The following ZSWIM6 variants were observed in gnomAD, a reference collection of about 807,000 sequenced individuals.
ZSWIM6 encodes zinc finger SWIM domain-containing protein 6.
In ZSWIM6, 9 loss-of-function variants were observed where a neutral mutation model predicts 113.2. That is an observed-to-expected ratio of 0.08 (90% CI 0.05 to 0.14). ZSWIM6 has a LOEUF of 0.14. Ranked by LOEUF, ZSWIM6 falls within the 10% of genes least tolerant of loss-of-function variation. ZSWIM6 has a pLI of 1.00. For synonymous variants in ZSWIM6, 611 were observed against 606.5 expected (o/e 1.01, Z -0.11); for missense variants, 1,162 against 1,552.2 (o/e 0.75, Z 4.22).
intron 1 of ZSWIM6, among the ~76,000 whole-genome samples, chr5:61,335,321 C>G (rs1215009125): frequency 6.6e-6 from 1 of 152,202 alleles, no homozygotes; most frequent in Non-Finnish European, 1.5e-5. Flanking sequence ...CCTCTGAGTT[C>G]TGCCATTTGC....
rs577910332 is a variant in ZSWIM6 at position 61,353,954 on chromosome 5, C to G, written c.676+21006C>G. 5.3e-4 allele frequency among the ~76,000 whole-genome samples: 80 copies of G among 152,206 alleles called. 1 individual carries two copies. Among genetic ancestry groups the G allele is most frequent in the Non-Finnish European group, 4.0e-4 (27 of 68,038 alleles). ...GTGTTGGCAGCCCTGTAGATAGATTCAGCAGATGCTGTAGACATTCTCTTA... is the reference window on the plus strand; with the variant it reads ...GTGTTGGCAGCCCTGTAGATAGATTGAGCAGATGCTGTAGACATTCTCTTA... On this transcript the variant is annotated intron_variant, in intron 1 of 13. Coordinates refer to ENST00000252744, the MANE Select transcript of ZSWIM6 (RefSeq NM_020928.2).
At chr5:61,454,907 CT>C (rs1342644892) in intron 1 of ZSWIM6, among the ~76,000 whole-genome samples, 1 of 149,730 alleles carries the variant, frequency 6.7e-6, no homozygotes, top group Non-Finnish European at 1.5e-5. Flanking sequence ...TTTTTTGCAC[CT>C]CCTTTCTGGC....
At chr5:61,525,665 T>C in intron 5 of ZSWIM6, 135 bp from the exon 6 acceptor site, 1 of 1,007,192 alleles carries the variant, frequency 9.9e-7, no homozygotes, top group Non-Finnish European at 1.5e-6. Context: ...GTATTCACCC[T>C]TCACCCTTCT....
chr5:61,428,436 C>T (rs1199463201), intron 1 of ZSWIM6, among the ~76,000 whole-genome samples: 1 of 152,172 alleles, frequency 6.6e-6, no homozygotes, highest in Non-Finnish European at 1.5e-5. Flanking sequence ...AGTCTTAGCT[C>T]ATTGCAACCT....
chr5:61,428,639 G>C (rs191171599), intron 1 of ZSWIM6, among the ~76,000 whole-genome samples: 1 of 151,534 alleles, frequency 6.6e-6, no homozygotes, highest in East Asian at 1.9e-4. Context: ...CTAAAGTGTT[G>C]GAATTACAGG....
At chr5:61,380,941 A>G (rs1579964902) in intron 1 of ZSWIM6, among the ~76,000 whole-genome samples, 1 of 145,218 alleles carries the variant, frequency 6.9e-6, no homozygotes, top group Non-Finnish European at 1.5e-5. Context: ...TCTAGTACAG[A>G]AAAAAAAAAA....
chr5:61,507,404 C>A (rs771031869), intron 4 of ZSWIM6, among the ~76,000 whole-genome samples: 1 of 152,090 alleles, frequency 6.6e-6, no homozygotes, highest in Non-Finnish European at 1.5e-5. Context: ...AGTCACAAAT[C>A]CTGATGCTCT....
chr5:61,531,472 G>C lies in ZSWIM6; in HGVS notation c.1992G>C (p.Met664Ile). The C allele has an allele frequency of 6.5e-7, 1 of 1,549,880 alleles. No homozygotes were observed. The highest frequency in any genetic ancestry group is 8.7e-7 in the Non-Finnish European group (1 of 1,145,498). Residue 664 changes from methionine (M) to isoleucine (I), a missense_variant, in exon 9 of 14, where the codon ATG (methionine) becomes ATC (isoleucine). Coordinates refer to ENST00000252744, the MANE Select transcript of ZSWIM6 (RefSeq NM_020928.2). Reference protein sequence around the residue: ...LSGFSDFTENMGQCKSLEYQH... With the variant: ...LSGFSDFTENIGQCKSLEYQH... ...TTTTGTGGCATTTTGCAGAGAATAT[G>C]GGACAGTGCAAGTCTCTGGAATACC...
intron 1 of ZSWIM6, among the ~76,000 whole-genome samples, chr5:61,411,199 A>G (rs575544581): frequency 6.6e-6 from 1 of 152,288 alleles, no homozygotes; most frequent in Non-Finnish European, 1.5e-5. Flanking sequence ...CAAATTAGTT[A>G]TCAGTTCTTC....
At chr5:61,487,115 T>C (rs1005486156) in intron 2 of ZSWIM6, among the ~76,000 whole-genome samples, 3 of 152,060 alleles carry the variant, frequency 2.0e-5, no homozygotes, top group African/African-American at 7.2e-5. Flanking sequence ...CATGTGGCTA[T>C]ACAATTTTCC....
At chr5:61,470,886 A>T (rs533084344) in intron 1 of ZSWIM6, among the ~76,000 whole-genome samples, 1 of 152,156 alleles carries the variant, frequency 6.6e-6, no homozygotes, top group African/African-American at 2.4e-5. Flanking sequence ...CCTCTGAAAG[A>T]TTTCTTAGGA....
chr5:61,367,600 T>G (rs539391361), intron 1 of ZSWIM6, among the ~76,000 whole-genome samples: 53 of 152,202 alleles, frequency 3.5e-4, no homozygotes, highest in Non-Finnish European at 5.6e-4. Context: ...TCTAGCTTTC[T>G]CAAGATTGCA....
intron 1 of ZSWIM6, among the ~76,000 whole-genome samples, chr5:61,353,549 C>A (rs1479985332): frequency 1.3e-5 from 2 of 152,190 alleles, no homozygotes; most frequent in African/African-American, 4.8e-5. Flanking sequence ...TGATACCATT[C>A]AAATATAGTG....
Position 61,332,289 on chromosome 5 carries a change from A to G in ZSWIM6, c.17A>G (p.Gln6Arg), listed in dbSNP as rs1165096297. 5 of 1,165,466 alleles carry G rather than the reference A, an allele frequency of 4.3e-6. No individual in the cohort carries two copies. The highest frequency in any genetic ancestry group is 4.2e-6 in the Non-Finnish European group (4 of 944,320). The allele number at this position is 1,165,466 out of a possible 1,614,324, so 72.2% of individuals were successfully genotyped here. MAERG[Q>R]QPPPAKRLCC... is the part of the protein sequence containing the mutation. ...GGCGCGGTCATGGCGGAGCGCGGAC[A>G]GCAGCCTCCTCCCGCGAAACGGCTT... is the stretch of plus-strand genomic sequence containing the variant. Residue 6 changes from glutamine to arginine, a missense_variant, in exon 1 of 14, where the codon CAG (glutamine) becomes CGG (arginine). Gln to Arg is a conservative substitution (Grantham distance 43, BLOSUM62 1). Around this residue, in one of 4 missense-constraint regions of ZSWIM6, gnomAD observed 333 missense variants for 293.4 expected, o/e 1.13. Transcript: ENST00000252744.
At chr5:61,483,558 T>G (rs936210572) in intron 2 of ZSWIM6, among the ~76,000 whole-genome samples, 1 of 152,120 alleles carries the variant, frequency 6.6e-6, no homozygotes, top group African/African-American at 2.4e-5. Flanking sequence ...AATTTTAAAA[T>G]CTGTCATATT....
At chr5:61,350,038 T>G (rs149416209) in intron 1 of ZSWIM6, among the ~76,000 whole-genome samples, 30 of 152,334 alleles carry the variant, frequency 2.0e-4, no homozygotes, top group Middle Eastern at 3.4e-3. Flanking sequence ...TAGAATTTGC[T>G]TAAGACTCAA....
At chr5:61,337,464 T>C (rs1166870477) in intron 1 of ZSWIM6, among the ~76,000 whole-genome samples, 1 of 152,230 alleles carries the variant, frequency 6.6e-6, no homozygotes, top group Non-Finnish European at 1.5e-5. Flanking sequence ...ATTTATCCTA[T>C]AGATAATACT....
intron 1 of ZSWIM6, among the ~76,000 whole-genome samples, chr5:61,464,220 A>T (rs1033209973): frequency 8.6e-6 from 1 of 116,636 alleles, no homozygotes; most frequent in Non-Finnish European, 1.6e-5. Context: ...AGGTATCTCC[A>T]TGTTGGCCAG....
At chr5:61,431,211 A>G (rs1013910829) in intron 1 of ZSWIM6, among the ~76,000 whole-genome samples, 2 of 151,782 alleles carry the variant, frequency 1.3e-5, no homozygotes, top group Non-Finnish European at 2.9e-5. Flanking sequence ...CTCTACTAAA[A>G]TACAGAAAAA....
Sources: gnomAD v4.1 joint callset for allele counts (sites outside exome capture counted in the v4.1 genomes callset) on GRCh38, gnomAD v4.1.1 for gene constraint, gnomAD v4.1.1 regional missense constraint, MANE v1.5 for transcripts, NCBI Gene and HGNC (gene_info 2026-07-23, HGNC 2026-07-21) for gene names.